Variants in KRT73 observed in about 807,000 individuals in gnomAD.
KRT73 encodes the protein keratin, type II cytoskeletal 73.
KRT73 carries 44 observed loss-of-function variants against 47.2 expected under a neutral mutation model. That is an observed-to-expected ratio of 0.93 (90% CI 0.73 to 1.20). The LOEUF (loss-of-function observed/expected upper bound fraction) is 1.20. KRT73 is among the 50% of genes most tolerant of loss of function. The pLI is 0.00. For synonymous variants in KRT73, 285 were observed against 291.3 expected (o/e 0.98, Z 0.22); for missense variants, 713 against 704.5 (o/e 1.01, Z -0.14).
chr12:52,623,376 T>G (rs1325166894), upstream of KRT73, among the ~76,000 whole-genome samples: 1 of 152,176 alleles, frequency 6.6e-6, no homozygotes, highest in Non-Finnish European at 1.5e-5. Context: ...CAGTGCCCAG[T>G]AAAAATATCC....
rs768502826 is a variant in KRT73 at position 52,608,355 on chromosome 12, G to A, written c.1464C>T (p.Ser488=). 1.2e-5 allele frequency: 19 copies of A among 1,613,510 alleles called. No individual in the cohort carries two copies. The highest frequency in any genetic ancestry group is 7.7e-5 in the South Asian group (7 of 91,032). Residue 488 remains serine, a synonymous_variant, in exon 9 of 9, where the codon AGC becomes AGT. Transcript: ENST00000305748. The stretch of plus-strand genomic sequence containing the variant: ...CCCCAGGCAGCATGCTGTAGCCCCC[G>A]CTGACAGAGCTGGGCCAGTAGCCGT... ...GTYGYWPSSV[S]GGYSMLPGGC... is the part of the protein sequence containing the mutation.
At chr12:52,612,943 C>T (rs11170198) in intron 5 of KRT73, 32,969 of 152,144 alleles carry the variant, frequency 0.22, 4,197 homozygotes, top group East Asian at 0.52. Context: ...TAGCTTGCAA[C>T]ACTAATGTGG....
rs778253563 is a variant in KRT73 at position 52,608,326 on chromosome 12, C to T, written c.1493G>A (p.Cys498Tyr). 6.2e-7 allele frequency: 1 copy of T among 1,613,860 alleles called. No homozygotes were observed. Among genetic ancestry groups the T allele is most frequent in the Non-Finnish European group, 8.5e-7 (1 of 1,180,030 alleles). Residue 498 changes from cysteine to tyrosine, a missense_variant, in exon 9 of 9, where the codon TGT becomes TAT. By Grantham distance (194) the Cys-to-Tyr change is radical (BLOSUM62 -2). Transcript: ENST00000305748. ...SGGYSMLPGG[C>Y]VTGSGNCSPR... ...GCTACAGTTCCCACTGCCAGTGACA[C>T]AGCCCCCAGGCAGCATGCTGTAGCC...
At chr12:52,610,068 GTTT>G (rs1940662335) in intron 7 of KRT73, 5 of 149,856 alleles carry the variant, frequency 3.3e-5, no homozygotes, top group African/African-American at 1.6e-4. Flanking sequence ...TTGTCTGTTT[GTTT>G]GTTTGTTTGT....
intron 1 of KRT73, among the ~76,000 whole-genome samples, chr12:52,617,422 G>A (rs559915816): frequency 2.0e-5 from 3 of 152,304 alleles, no homozygotes; most frequent in African/African-American, 7.2e-5. Context: ...GCCTGAGAGT[G>A]TGCATTCTAA....
chr12:52,616,980 C>A (rs373384180), intron 1 of KRT73, among the ~76,000 whole-genome samples: 10 of 152,312 alleles, frequency 6.6e-5, no homozygotes, highest in African/African-American at 2.2e-4. Context: ...ATATCATTCC[C>A]TTGCTTAAAA....
At chr12:52,610,921 T>A in intron 6 of KRT73, 86 bp from the exon 7 acceptor site, 1 of 1,202,644 alleles carries the variant, frequency 8.3e-7, no homozygotes, top group South Asian at 1.4e-5. Context: ...TGAGCCCTCC[T>A]CTGTCCTGCC....
Position 52,607,936 on chromosome 12 carries a change from G to T in KRT73, c.*260C>A. On this transcript the variant is annotated 3_prime_UTR_variant, in exon 9 of 9. Transcript: ENST00000305748. ...CACAGGGACATGCAGGCAGAGAAAA[G>T]GCCAAGTCTTCTTCCAGAAGGGGAG... 2.2e-6 allele frequency: 1 copy of T among 451,844 alleles called. No individual in the cohort carries two copies. The highest frequency in any genetic ancestry group is 3.9e-6 in the Non-Finnish European group (1 of 254,956). 28.0% of individuals were successfully genotyped at this position (451,844 alleles called of 1,614,324 possible). A position where few individuals can be genotyped will look rare whatever the true frequency, so the allele number is the denominator to read the frequency against.
chr12:52,617,225 T>C (rs1940832734), intron 1 of KRT73, among the ~76,000 whole-genome samples: 1 of 152,194 alleles, frequency 6.6e-6, no homozygotes, highest in Admixed American at 6.5e-5. Context: ...TACCTCACTG[T>C]CGCTCCGGGT....
At position 52,618,503 on chromosome 12, in the gene KRT73, T is replaced by A; in HGVS notation, c.22A>T (p.Lys8Ter). The change falls in exon 1 of 9, where the codon AAG becomes TAG. Residue 8 changes from lysine to a stop codon, truncating the protein, a stop_gained. Transcript: ENST00000305748. LOFTEE classifies it high-confidence loss of function. ...CCCCCCTTGGCAGCAGCTCCCGACTTGTAGGTGAATTGGCGGCTCATGGTG... is the reference window on the plus strand; with the variant it reads ...CCCCCCTTGGCAGCAGCTCCCGACTAGTAGGTGAATTGGCGGCTCATGGTG... MSRQFTY[K>*]SGAAAKGGFS... is the part of the protein sequence containing the mutation. 6.2e-7 allele frequency: 1 copy of A among 1,604,208 alleles called. No individual in the cohort carries two copies. The highest frequency in any genetic ancestry group is 8.5e-7 in the Non-Finnish European group (1 of 1,174,528).
In KRT73 at chr12:52,611,520, C is replaced by T. The variant is rs1176115931; in HGVS notation, c.985-191G>A. 17 of 622,458 alleles carry T rather than the reference C, an allele frequency of 2.7e-5. No individual in the cohort carries two copies. In the East Asian group the frequency reaches 4.8e-4, roughly 18 times the overall value. The allele number at this position is 622,458 out of a possible 1,614,324, so 38.6% of individuals were successfully genotyped here. ...TTTGCTTGCCTTAAGCACAGCTGAT[C>T]TCATGGATGGTTAGAATTGGCCATA... is the stretch of plus-strand genomic sequence containing the variant. On this transcript the variant is annotated intron_variant, in intron 5 of 8. Transcript: ENST00000305748.
At chr12:52,614,422 G>C in intron 4 of KRT73, 157 bp downstream of exon 4, 1 of 588,300 alleles carries the variant, frequency 1.7e-6, no homozygotes, top group Non-Finnish European at 2.9e-6. Context: ...GGGGCACCAG[G>C]ATAGATGGCC....
At chr12:52,628,713 G>A in the KRT73 span, among the ~76,000 whole-genome samples, 1 of 152,196 alleles carries the variant, frequency 6.6e-6, no homozygotes, top group South Asian at 2.1e-4. Flanking sequence ...GGAGAGACAA[G>A]GGAGAAGGTG....
chr12:52,608,964 G>T (rs1384223333), intron 8 of KRT73, among the ~76,000 whole-genome samples: 1 of 152,194 alleles, frequency 6.6e-6, no homozygotes, highest in Non-Finnish European at 1.5e-5. Context: ...CCGGTGTGGG[G>T]GTGACAGAAG....
At chr12:52,614,055 G>A in intron 4 of KRT73, 1 of 645,008 alleles carries the variant, frequency 1.6e-6, no homozygotes, top group Non-Finnish European at 2.5e-6. Context: ...AAGCAGCCCA[G>A]GAAGAAAACA....
rs758922991 is a variant in KRT73 at position 52,614,573 on chromosome 12, C to A, written c.819+6G>T. ...AGAGCCAGAGGTGGGGCAGGGGGAGCCTTACCCCCTCGTACAGACACTTGA... is the reference window on the plus strand; with the variant it reads ...AGAGCCAGAGGTGGGGCAGGGGGAGACTTACCCCCTCGTACAGACACTTGA... On this transcript the variant is annotated splice_donor_region_variant and intron_variant, in intron 4 of 8. Transcript: ENST00000305748. The A allele has an allele frequency of 1.1e-5, 17 of 1,608,956 alleles. No individual in the cohort carries two copies. The highest frequency in any genetic ancestry group is 3.3e-5 in the South Asian group (3 of 90,630).
intron 5 of KRT73, among the ~76,000 whole-genome samples, chr12:52,612,113 G>A (rs1472018129): frequency 6.6e-6 from 1 of 152,218 alleles, no homozygotes; most frequent in East Asian, 1.9e-4. Flanking sequence ...GTGAGCCAAT[G>A]AGCTGTCCAT....
intron 3 of KRT73, 166 bp downstream of exon 3, chr12:52,615,113 C>G (rs1940789100): frequency 5.0e-6 from 3 of 599,470 alleles, no homozygotes; most frequent in Admixed American, 2.9e-5. Flanking sequence ...GTGTGCTAAA[C>G]CAACACCAGG....
chr12:52,608,973 A>G (rs2120854070), intron 8 of KRT73, among the ~76,000 whole-genome samples: 1 of 152,208 alleles, frequency 6.6e-6, no homozygotes, highest in African/African-American at 2.4e-5. Flanking sequence ...GGGTGACAGA[A>G]GAGGGGAGGG....
Sources: allele counts gnomAD v4.1 joint callset (sites outside exome capture counted in the v4.1 genomes callset), GRCh38; gene constraint gnomAD v4.1.1; transcripts MANE v1.5; gene names NCBI Gene and HGNC (gene_info 2026-07-23, HGNC 2026-07-21).